CAMK2D: variants seen among roughly 807,000 people sequenced by gnomAD.
The protein encoded by CAMK2D is calcium/calmodulin-dependent protein kinase type II subunit delta.
CAMK2D carries 37 observed loss-of-function variants against 84.0 expected under a neutral mutation model. The observed-to-expected ratio is 0.44, with a 90% CI of 0.34 to 0.58. The LOEUF is 0.58. Ranked by LOEUF, CAMK2D falls within the 20% of genes least tolerant of loss-of-function variation. The pLI, the probability that CAMK2D is intolerant of heterozygous loss-of-function variation, is 0.02. For missense variants in CAMK2D, 448 were observed against 652.5 expected, an observed-to-expected ratio of 0.69 and a Z score of 3.41; for synonymous variants, 202 against 212.5, an observed-to-expected ratio of 0.95 and a Z score of 0.43.
At chr4:113,670,763 CAA>C (rs753971197) in intron 2 of CAMK2D, among the ~76,000 whole-genome samples, 2,255 of 129,420 alleles carry the variant, frequency 0.017, 36 homozygotes, top group East Asian at 0.086. Flanking sequence ...ACTAAAAATA[CAA>C]AAAAAAAAAA....
chr4:113,759,374 T>G lies in CAMK2D; in HGVS notation c.106A>C (p.Thr36Pro), dbSNP rs777541966. Residue 36 changes from threonine (T) to proline (P), a missense_variant, in exon 2 of 21, where the codon ACT (threonine) becomes CCT (proline). Thr to Pro is a conservative substitution (Grantham distance 38). Around this residue, in one of 7 missense-constraint regions of CAMK2D, gnomAD observed 44 missense variants for 45.6 expected, o/e 0.96. Coordinates refer to ENST00000511664, the MANE Select transcript of CAMK2D (RefSeq NM_001321571.2). ...SVVRRCMKIP[T>P]GQEYAAKIIN... ...ATTTTGGCAGCATATTCTTGTCCAG[T>G]AGGAATTTTCATACATCTTCTCACC... 4 of 1,608,354 alleles carry G rather than the reference T, an allele frequency of 2.5e-6. No homozygotes were observed. Among genetic ancestry groups the G allele is most frequent in the Non-Finnish European group, 2.5e-6 (3 of 1,176,786 alleles).
chr4:113,503,429 G>T, intron 14 of CAMK2D: 1 of 360,730 alleles, frequency 2.8e-6, no homozygotes. Context: ...CTCGATTATG[G>T]TGTCATTAAT....
At chr4:113,470,976 T>C (rs1206860988) in intron 16 of CAMK2D, among the ~76,000 whole-genome samples, 2 of 152,370 alleles carry the variant, frequency 1.3e-5, no homozygotes. Flanking sequence ...TATTTGGTGA[T>C]AACCAGACAG....
chr4:113,669,529 A>C (rs1277720747), intron 2 of CAMK2D, among the ~76,000 whole-genome samples: 1 of 152,062 alleles, frequency 6.6e-6, no homozygotes, highest in Non-Finnish European at 1.5e-5. Context: ...TTCCTTTGGA[A>C]GATCAAGGAA....
intron 3 of CAMK2D, among the ~76,000 whole-genome samples, chr4:113,630,133 G>A (rs2099083572): frequency 1.3e-5 from 2 of 152,228 alleles, no homozygotes; most frequent in Admixed American, 6.5e-5. Context: ...AAATGAATGC[G>A]TAGTTATTTT....
intron 9 of CAMK2D, among the ~76,000 whole-genome samples, chr4:113,516,834 G>A (rs1302029153): frequency 1.3e-5 from 2 of 152,122 alleles, no homozygotes; most frequent in African/African-American, 4.8e-5. Context: ...CCATAGGGCT[G>A]TATGAGGGGA....
At chr4:113,666,472 T>C (rs887468331) in intron 2 of CAMK2D, among the ~76,000 whole-genome samples, 33 of 152,068 alleles carry the variant, frequency 2.2e-4, no homozygotes, top group African/African-American at 7.5e-4. Context: ...AACCCACAGG[T>C]ACCTGCACCA....
chr4:113,743,679 C>T (rs962022381), intron 2 of CAMK2D, among the ~76,000 whole-genome samples: 1 of 152,158 alleles, frequency 6.6e-6, no homozygotes, highest in African/African-American at 2.4e-5. Context: ...CATCTGTGCC[C>T]AATAAATACT....
At chr4:113,481,507 T>C (rs11932306) in intron 16 of CAMK2D, among the ~76,000 whole-genome samples, 20,651 of 151,960 alleles carry the variant, frequency 0.14, 1,801 homozygotes, top group East Asian at 0.37. Context: ...TGAGACAGAG[T>C]CTCACTCTGC....
intron 2 of CAMK2D, among the ~76,000 whole-genome samples, chr4:113,749,451 T>TA (rs1432878188): frequency 6.6e-6 from 1 of 151,886 alleles, no homozygotes; most frequent in African/African-American, 2.4e-5. Context: ...CTGCCTTTAC[T>TA]AAAAAAAATC....
intron 2 of CAMK2D, among the ~76,000 whole-genome samples, chr4:113,682,540 T>C (rs1222908368): frequency 2.6e-5 from 4 of 152,094 alleles, no homozygotes; most frequent in Non-Finnish European, 4.4e-5. Context: ...AGACTTCAAC[T>C]TCTGTTCAAG....
chr4:113,596,741 G>T (rs1023082126), intron 4 of CAMK2D, among the ~76,000 whole-genome samples: 1 of 152,068 alleles, frequency 6.6e-6, no homozygotes, highest in South Asian at 2.1e-4. Flanking sequence ...GTAAACAGAT[G>T]TGCTGTCGTC....
chr4:113,689,241 T>C (rs1302552334), intron 2 of CAMK2D, among the ~76,000 whole-genome samples: 1 of 150,348 alleles, frequency 6.7e-6, no homozygotes, highest in Non-Finnish European at 1.5e-5. Flanking sequence ...CGAGACTCCA[T>C]CTCAAAAAAA....
In CAMK2D at chr4:113,497,340, T is replaced by A. The variant is rs556652428; in HGVS notation, c.1135+3123A>T. ...AGGTAAAGAGAAGGGATTCAATAAA[T>A]ATTTGCTGAATGAAGAAACAGCCTA... On this transcript the variant is annotated intron_variant, in intron 16 of 20. Coordinates refer to ENST00000511664, the MANE Select transcript of CAMK2D (RefSeq NM_001321571.2). Among the ~76,000 whole-genome samples, 224 of 152,270 alleles carry A rather than the reference T, an allele frequency of 1.5e-3. 1 individual carries two copies. The highest frequency in any genetic ancestry group is 0.01 in the Middle Eastern group (3 of 294).
At chr4:113,524,757 T>C (rs927813726) in intron 8 of CAMK2D, among the ~76,000 whole-genome samples, 5 of 152,170 alleles carry the variant, frequency 3.3e-5, no homozygotes, top group African/African-American at 1.2e-4. Context: ...GAATGAACCA[T>C]GTGGTTTGTG....
chr4:113,732,580 T>A (rs2099571785), intron 2 of CAMK2D, among the ~76,000 whole-genome samples: 1 of 152,230 alleles, frequency 6.6e-6, no homozygotes, highest in Non-Finnish European at 1.5e-5. Flanking sequence ...AATTACATGA[T>A]AATTCACATA....
At chr4:113,499,061 A>T (rs1030968383) in intron 16 of CAMK2D, among the ~76,000 whole-genome samples, 5 of 152,194 alleles carry the variant, frequency 3.3e-5, no homozygotes, top group Non-Finnish European at 1.5e-5. Flanking sequence ...TTCATATGAA[A>T]CATTTAGCTT....
At chr4:113,684,191 C>T (rs1389480698) in intron 2 of CAMK2D, among the ~76,000 whole-genome samples, 4 of 152,160 alleles carry the variant, frequency 2.6e-5, no homozygotes, top group African/African-American at 9.7e-5. Context: ...CAGGCAGGGA[C>T]TTCAGTTAGA....
At chr4:113,476,528 G>A (rs1001990181) in intron 16 of CAMK2D, among the ~76,000 whole-genome samples, 1 of 152,156 alleles carries the variant, frequency 6.6e-6, no homozygotes, top group Non-Finnish European at 1.5e-5. Context: ...AAGCAAGGAT[G>A]ATTACAGGCC....
Sources: allele counts gnomAD v4.1 joint callset (sites outside exome capture counted in the v4.1 genomes callset), GRCh38; gene constraint gnomAD v4.1.1; regional missense constraint gnomAD v4.1.1; transcripts MANE v1.5; gene names NCBI Gene and HGNC (gene_info 2026-07-23, HGNC 2026-07-21).